SFMBT2: variants seen among roughly 807,000 people sequenced by gnomAD.
SFMBT2 encodes Scm like with four mbt domains 2, also known as scm-like with four MBT domains protein 2.
SFMBT2 carries 38 observed loss-of-function variants against 110.1 expected under a neutral mutation model. That is an observed-to-expected ratio of 0.35 (90% CI 0.27 to 0.45). SFMBT2 has a LOEUF of 0.45. Among genes scored for constraint, SFMBT2 ranks in the 20% least tolerant of loss-of-function variants. SFMBT2 has a pLI of 1.00. For missense variants in SFMBT2, 1,011 were observed against 1,094.9 expected (o/e 0.92, Z 1.08); for synonymous variants, 425 against 425.4 (o/e 1.00, Z 0.01).
chr10:7,386,767 C>T (rs920341626), intron 1 of SFMBT2, among the ~76,000 whole-genome samples: 2 of 152,138 alleles, frequency 1.3e-5, no homozygotes, highest in Admixed American at 1.3e-4. Flanking sequence ...CATGCATTTA[C>T]GATCATTTTA....
intron 11 of SFMBT2, among the ~76,000 whole-genome samples, chr10:7,216,745 T>A (rs982718221): frequency 1.3e-5 from 2 of 152,192 alleles, no homozygotes; most frequent in African/African-American, 4.8e-5. Context: ...CCACTCCCTA[T>A]GCCTCCTCAC....
At chr10:7,377,959 GT>G (rs1845289143) in intron 2 of SFMBT2, among the ~76,000 whole-genome samples, 1 of 92,548 alleles carries the variant, frequency 1.1e-5, no homozygotes, top group African/African-American at 3.3e-5. Flanking sequence ...AAAATTTTGT[GT>G]GGGGGGGGGT....
At chr10:7,217,626 C>T (rs1166983243) in intron 11 of SFMBT2, among the ~76,000 whole-genome samples, 1 of 152,086 alleles carries the variant, frequency 6.6e-6, no homozygotes, top group African/African-American at 2.4e-5. Context: ...ACTGCTGGAC[C>T]AATGTATTTG....
chr10:7,182,092 C>T (rs1838260697), intron 16 of SFMBT2, among the ~76,000 whole-genome samples: 1 of 152,142 alleles, frequency 6.6e-6, no homozygotes, highest in Admixed American at 6.5e-5. Context: ...GGCTGGAGTG[C>T]ACTGGCACCA....
At chr10:7,248,807 C>A (rs533111526) in intron 7 of SFMBT2, among the ~76,000 whole-genome samples, 158 bp from the exon 8 acceptor site, 1 of 152,286 alleles carries the variant, frequency 6.6e-6, no homozygotes, top group East Asian at 1.9e-4. Flanking sequence ...CCAGATACCA[C>A]GGATTTAATT....
At chr10:7,315,114 G>GAAAGAAAGAAAGAAAGAA (rs1564435713) in intron 4 of SFMBT2, among the ~76,000 whole-genome samples, 4 of 116,264 alleles carry the variant, frequency 3.4e-5, no homozygotes, top group African/African-American at 9.4e-5. Context: ...GAAAGAAAAA[G>GAAAGAAAGAAAGAAAGAA]CAAGCAAGCA....
intron 1 of SFMBT2, among the ~76,000 whole-genome samples, 161 bp from the exon 2 acceptor site, chr10:7,382,110 A>C (rs568709347): frequency 1.1e-3 from 165 of 152,348 alleles, no homozygotes; most frequent in African/African-American, 3.3e-3. Context: ...ACCAGGAATA[A>C]GTATTCTAGT....
intron 7 of SFMBT2, among the ~76,000 whole-genome samples, chr10:7,260,461 G>C (rs1841157678): frequency 6.6e-6 from 1 of 152,120 alleles, no homozygotes; most frequent in South Asian, 2.1e-4. Flanking sequence ...CCTCCCTTGT[G>C]GGCTCAAGAT....
intron 7 of SFMBT2, chr10:7,249,662 G>T: frequency 1.9e-6 from 1 of 513,668 alleles, no homozygotes; most frequent in Non-Finnish European, 2.5e-6. Context: ...TCTGAGGACT[G>T]CACAGAGCCC....
chr10:7,242,548 C>A (rs909863258), intron 9 of SFMBT2, among the ~76,000 whole-genome samples: 1 of 152,154 alleles, frequency 6.6e-6, no homozygotes, highest in Non-Finnish European at 1.5e-5. Context: ...TACCATTAGG[C>A]GGAACTCCAT....
At position 7,293,049 on chromosome 10, in the gene SFMBT2, G is replaced by C. The variant is rs1842306442; in HGVS notation, c.437-7095C>G. 6.6e-6 allele frequency among the ~76,000 whole-genome samples: 1 copy of C among 152,168 alleles called. No homozygotes were observed. The highest frequency in any genetic ancestry group is 2.1e-4 in the South Asian group (1 of 4,828). On this transcript the variant is annotated intron_variant, in intron 4 of 20. Transcript: ENST00000397167. This position sits in a 1 kb window ranked among gnomAD's most constrained non-coding sequence, Gnocchi z 4.6. ...AGAATTGTTGGAAGCAAATGACACAGCCCTATCACAGTGATGACATTAGGG... is the reference window on the plus strand; with the variant it reads ...AGAATTGTTGGAAGCAAATGACACACCCCTATCACAGTGATGACATTAGGG...
intron 5 of SFMBT2, chr10:7,284,553 A>G: frequency 2.6e-6 from 1 of 385,736 alleles, no homozygotes; most frequent in East Asian, 1.4e-4. Context: ...AGATAATTCT[A>G]ATACAGAGCA....
At chr10:7,296,992 G>A (rs1257315142) in intron 4 of SFMBT2, among the ~76,000 whole-genome samples, 1 of 152,148 alleles carries the variant, frequency 6.6e-6, no homozygotes, top group Admixed American at 6.5e-5. Context: ...CCTGCCTGCT[G>A]GCCTGCCCAG....
chr10:7,202,211 G>C (rs1201284890), intron 13 of SFMBT2: 1 of 246,328 alleles, frequency 4.1e-6, no homozygotes, highest in Non-Finnish European at 6.5e-6. Flanking sequence ...TTCTCTCAGT[G>C]TGTAGGTCTG....
At chr10:7,310,203 T>C (rs1842810432) in intron 4 of SFMBT2, among the ~76,000 whole-genome samples, 1 of 152,162 alleles carries the variant, frequency 6.6e-6, no homozygotes, top group Non-Finnish European at 1.5e-5. Context: ...TAGCCAAATG[T>C]CACATGTTGA....
intron 8 of SFMBT2, among the ~76,000 whole-genome samples, chr10:7,246,409 A>AATTATTTAAAGGCATAAGG (rs1286726498): frequency 6.6e-6 from 1 of 152,164 alleles, no homozygotes; most frequent in African/African-American, 2.4e-5. Context: ...AAGGCATAAG[A>AATTATTTAAAGGCATAAGG]ATTATTTAAA....
intron 11 of SFMBT2, among the ~76,000 whole-genome samples, chr10:7,208,040 T>C (rs187346738): frequency 5.3e-5 from 8 of 152,354 alleles, no homozygotes; most frequent in South Asian, 2.1e-4. Flanking sequence ...GTTAAATAAA[T>C]AGACATTGTT....
intron 7 of SFMBT2, among the ~76,000 whole-genome samples, chr10:7,271,911 TC>T: frequency 6.6e-6 from 1 of 152,284 alleles, no homozygotes; most frequent in East Asian, 1.9e-4. Context: ...CCCCCATGAT[TC>T]AGTTATTTCC....
At chr10:7,184,422 T>C (rs1455554054) in intron 16 of SFMBT2, among the ~76,000 whole-genome samples, 2 of 152,224 alleles carry the variant, frequency 1.3e-5, no homozygotes, top group Admixed American at 6.5e-5. Context: ...GAGATGTGCC[T>C]TTCACCTTCC....
Sources: gnomAD v4.1 joint callset for allele counts (sites outside exome capture counted in the v4.1 genomes callset) on GRCh38, gnomAD v4.1.1 for gene constraint, Gnocchi (gnomAD v3.1) non-coding constraint, MANE v1.5 for transcripts, NCBI Gene and HGNC (gene_info 2026-07-23, HGNC 2026-07-21) for gene names.